SATB2: variants seen among roughly 807,000 people sequenced by gnomAD.
The protein encoded by SATB2 is DNA-binding protein SATB2.
In SATB2, 1 loss-of-function variant was observed where a neutral mutation model predicts 73.4. The ratio of observed to expected loss-of-function variants is 0.01; its 90% CI spans 0.00 to 0.06. The LOEUF (loss-of-function observed/expected upper bound fraction) is 0.06. Among genes scored for constraint, SATB2 ranks in the 10% least tolerant of loss-of-function variants. SATB2 has a pLI of 1.00. For synonymous variants in SATB2, 397 were observed against 367.0 expected (o/e 1.08, Z -0.93); for missense variants, 459 against 945.8 (o/e 0.49, Z 6.75).
At chr2:199,452,520 T>C (rs1219614431) in intron 2 of SATB2, among the ~76,000 whole-genome samples, 1 of 152,188 alleles carries the variant, frequency 6.6e-6, no homozygotes, top group Non-Finnish European at 1.5e-5. Context: ...TCATCCTTAA[T>C]AATCCCTTCT....
chr2:199,305,040 T>G (rs2105763088), intron 10 of SATB2, among the ~76,000 whole-genome samples: 1 of 152,230 alleles, frequency 6.6e-6, no homozygotes, highest in East Asian at 1.9e-4. Context: ...AATATAAAAA[T>G]AAATGGCATG....
At chr2:199,468,611 G>A (rs903200440), upstream of SATB2, among the ~76,000 whole-genome samples, 16 of 152,236 alleles carry the variant, frequency 1.1e-4, no homozygotes, top group Admixed American at 8.5e-4. Flanking sequence ...CGGAGCTCCA[G>A]TATAGACTAA....
chr2:199,385,013 A>G (rs1430565484), intron 3 of SATB2, among the ~76,000 whole-genome samples: 2 of 152,230 alleles, frequency 1.3e-5, no homozygotes, highest in Admixed American at 1.3e-4. Flanking sequence ...GGAGGAGTAT[A>G]CATCAATGTG....
intron 5 of SATB2, among the ~76,000 whole-genome samples, chr2:199,373,717 T>C (rs1689515269): frequency 1.3e-5 from 2 of 152,224 alleles, no homozygotes. Flanking sequence ...AATCATTTCT[T>C]ATGGTCACTG....
Position 199,464,053 on chromosome 2 carries a change from G to A in SATB2, c.-141+783C>T, listed in dbSNP as rs1692540385. Among the ~76,000 whole-genome samples the A allele has an allele frequency of 6.6e-6, 1 of 152,242 alleles. No individual in the cohort carries two copies. Among genetic ancestry groups the A allele is most frequent in the African/African-American group, 2.4e-5 (1 of 41,478 alleles). ...TGGAGCCAGGGACGAGGGGGGCAGTGTATCCGGCGGCCCAAACTCGTAAGG... is the reference window on the plus strand; with the variant it reads ...TGGAGCCAGGGACGAGGGGGGCAGTATATCCGGCGGCCCAAACTCGTAAGG... On this transcript the variant is annotated intron_variant, in intron 1 of 11. Coordinates refer to the SATB2 transcript ENST00000260926. The surrounding 1 kb of genome is among the most constrained non-coding windows in gnomAD (Gnocchi z 6.6).
chr2:199,320,242 C>G (rs1687849007), intron 9 of SATB2, among the ~76,000 whole-genome samples: 1 of 152,144 alleles, frequency 6.6e-6, no homozygotes, highest in East Asian at 1.9e-4. Flanking sequence ...CTACTAAGAA[C>G]CCCTAACTCC....
Position 199,425,808 on chromosome 2 carries a change from G to A in SATB2, c.346+7530C>T, listed in dbSNP as rs562977732. On this transcript the variant is annotated intron_variant, in intron 3 of 10. Coordinates refer to ENST00000417098, the MANE Select transcript of SATB2 (RefSeq NM_001172509.2). ...CTATGTATTGGGATGAGGAAATAAG[G>A]TGAGCATTATTTTACCGCTGGCATT... Among the ~76,000 whole-genome samples, 29 of 152,244 alleles carry A rather than the reference G, an allele frequency of 1.9e-4. No individual in the cohort carries two copies. The South Asian group carries it at 5.8e-3, about 30-fold the overall frequency.
chr2:199,387,066 GT>G (rs1307820930), intron 3 of SATB2, among the ~76,000 whole-genome samples: 4 of 152,088 alleles, frequency 2.6e-5, no homozygotes, highest in African/African-American at 9.7e-5. Flanking sequence ...TTTGCACAGT[GT>G]TTTATACAAC....
In SATB2 at chr2:199,378,826, C is replaced by T. The variant is rs193169278; in HGVS notation, c.597+1538G>A. ...TTTATATAACTCAGAACCATTACTACTCAGTTTTACTAACCAAACAAGGGG... is the reference window on the plus strand; with the variant it reads ...TTTATATAACTCAGAACCATTACTATTCAGTTTTACTAACCAAACAAGGGG... On this transcript the variant is annotated intron_variant, in intron 5 of 10. Coordinates refer to ENST00000417098, the MANE Select transcript of SATB2 (RefSeq NM_001172509.2). 3.3e-5 allele frequency among the ~76,000 whole-genome samples: 5 copies of T among 152,276 alleles called. No individual in the cohort carries two copies. In the East Asian group the frequency reaches 9.7e-4, roughly 29 times the overall value.
intron 3 of SATB2, among the ~76,000 whole-genome samples, chr2:199,422,223 A>G: frequency 6.6e-6 from 1 of 152,124 alleles, no homozygotes; most frequent in East Asian, 1.9e-4. Flanking sequence ...AAAGGGAAGC[A>G]ACCCAAATAT....
chr2:199,456,599 C>T (rs1010455624), intron 1 of SATB2, among the ~76,000 whole-genome samples: 15 of 152,170 alleles, frequency 9.9e-5, no homozygotes, highest in African/African-American at 3.1e-4. Flanking sequence ...CGAAAGAACC[C>T]CTTGAATACC....
intron 7 of SATB2, among the ~76,000 whole-genome samples, chr2:199,341,256 A>G (rs554035939): frequency 6.6e-6 from 1 of 152,346 alleles, no homozygotes; most frequent in African/African-American, 2.4e-5. Context: ...AGTAAGTCAA[A>G]CTATGTCAGC....
chr2:199,380,841 ACTGTAAACAAACATCCC>A (rs1689750770), intron 4 of SATB2, among the ~76,000 whole-genome samples: 1 of 152,190 alleles, frequency 6.6e-6, no homozygotes, highest in African/African-American at 2.4e-5. Flanking sequence ...CCTAAGGTTA[ACTGTAAACAAACATCCC>A]CTGTCAGATT....
chr2:199,272,358 G>A lies in SATB2; in HGVS notation c.2055C>T (p.Asp685=), dbSNP rs747832215. Residue 685 remains aspartate (D), a synonymous_variant, in exon 11 of 11, where the codon GAC becomes GAT. Coordinates refer to ENST00000417098, the MANE Select transcript of SATB2 (RefSeq NM_001172509.2). The surrounding 1 kb of genome is among the most constrained non-coding windows in gnomAD (Gnocchi z 6.7). ...KLKEHLGSAV[D]VAEYKDEELL... ...GCTCCTCGTCCTTATATTCAGCCAC[G>A]TCCACCGCGGAGCCCAGGTGCTCTT... 82 of 1,613,982 alleles carry A rather than the reference G, an allele frequency of 5.1e-5. No homozygotes were observed. Among genetic ancestry groups the A allele is most frequent in the Non-Finnish European group, 6.4e-5 (75 of 1,180,016 alleles).
intron 3 of SATB2, among the ~76,000 whole-genome samples, chr2:199,398,053 T>C (rs1690355004): frequency 6.6e-6 from 1 of 152,120 alleles, no homozygotes; most frequent in Non-Finnish European, 1.5e-5. Flanking sequence ...TAGTGGTTTG[T>C]GGGAAGAGGG....
At chr2:199,469,995 CAGAG>C (rs1431769514), upstream of SATB2, 1 of 152,472 alleles carries the variant, frequency 6.6e-6, no homozygotes, top group Admixed American at 6.5e-5. Flanking sequence ...TCTGAGAAGG[CAGAG>C]AGAAGAAAGC....
upstream of SATB2, chr2:199,465,296 GTTGACAACCA>G (rs1205343963): frequency 1.3e-5 from 2 of 152,216 alleles, no homozygotes; most frequent in African/African-American, 4.8e-5. Context: ...ACAGAAAACT[GTTGACAACCA>G]TTCAAGTCTC....
intron 5 of SATB2, among the ~76,000 whole-genome samples, chr2:199,370,646 C>T (rs146349332): frequency 3.9e-5 from 6 of 152,210 alleles, no homozygotes; most frequent in African/African-American, 1.2e-4. Flanking sequence ...CAAGCCCAGA[C>T]GACTGCATCA....
At chr2:199,406,683 T>C (rs1204250217) in intron 3 of SATB2, among the ~76,000 whole-genome samples, 2 of 152,128 alleles carry the variant, frequency 1.3e-5, no homozygotes, top group Non-Finnish European at 2.9e-5. Context: ...TTCTCTGAGG[T>C]ACCAAAGACC....
Sources: allele counts gnomAD v4.1 joint callset (sites outside exome capture counted in the v4.1 genomes callset), GRCh38; gene constraint gnomAD v4.1.1; non-coding constraint Gnocchi (gnomAD v3.1); transcripts MANE v1.5; gene names NCBI Gene and HGNC (gene_info 2026-07-23, HGNC 2026-07-21).